Variants in EPS8L1 observed in about 807,000 individuals in gnomAD.
EPS8L1 encodes EPS8 signaling adaptor L1.
A neutral mutation model predicts 91.7 loss-of-function variants in EPS8L1; 101 were observed. That is an observed-to-expected ratio of 1.10 (90% confidence interval 0.94 to 1.30). The LOEUF is 1.30. Ranked by LOEUF, EPS8L1 falls within the 50% of genes most tolerant of loss-of-function variation. The pLI is 0.00. For synonymous variants in EPS8L1, 506 were observed against 445.3 expected, an observed-to-expected ratio of 1.14 and a Z score of -1.72; for missense variants, 1,114 against 1,017.0, an observed-to-expected ratio of 1.10 and a Z score of -1.30.
At position 55,086,710 on chromosome 19, in the gene EPS8L1, G is replaced by T. The variant is rs1358973351; in HGVS notation, c.1778-4G>T. 1 of 1,541,196 alleles carries T rather than the reference G, an allele frequency of 6.5e-7. No individual in the cohort carries two copies. Among genetic ancestry groups the T allele is most frequent in the South Asian group, 1.1e-5 (1 of 89,994 alleles). ...CTCCCTACCTCCCGGTTTCCCGCCT[G>T]CAGAGAAATTCTCCCAGATGCTCAT... On this transcript the variant is annotated splice_region_variant and splice_polypyrimidine_tract_variant and intron_variant, in intron 17 of 19. Transcript: ENST00000201647.
At position 55,080,222 on chromosome 19, in the gene EPS8L1, C is replaced by T; in HGVS notation, c.373C>T (p.Gln125Ter). 1 of 1,539,440 alleles carries T rather than the reference C, an allele frequency of 6.5e-7. No individual in the cohort carries two copies. The highest frequency in any genetic ancestry group is 1.4e-5 in the African/African-American group (1 of 73,016). ...CCGCTCGTTGCTGCTGCTCGTGTGCCAGGAACCCGAGCGCGCGCAGCCCGA... is the reference window on the plus strand; with the variant it reads ...CCGCTCGTTGCTGCTGCTCGTGTGCTAGGAACCCGAGCGCGCGCAGCCCGA... ...RSRSLLLLVC[Q>*]EPERAQPDVH... The change falls in exon 6 of 20, where the codon CAG becomes TAG. Residue 125 changes from glutamine to a stop codon, truncating the protein, a stop_gained. Transcript: ENST00000201647. LOFTEE classifies it high-confidence loss of function.
At position 55,082,126 on chromosome 19, in the gene EPS8L1, G is replaced by A. The variant is rs761688226; in HGVS notation, c.936G>A (p.Ser312=). The change falls in exon 10 of 20, where the codon TCG becomes TCA. Residue 312 remains serine (S), a synonymous_variant. Coordinates refer to ENST00000201647, the MANE Select transcript of EPS8L1 (RefSeq NM_133180.3). The stretch of plus-strand genomic sequence containing the variant: ...TGACGCTGCGGGCCAAGCCGCCCTC[G>A]GAGGCCGAGTACACCGACGTGCTGC... The part of the protein sequence containing the change: ...GLLTLRAKPP[S]EAEYTDVLQK... 23 of 1,602,742 alleles carry A rather than the reference G, an allele frequency of 1.4e-5. No homozygotes were observed. The Admixed American group carries it at 3.9e-4, about 27-fold the overall frequency.
At chr19:55,079,207 C>A in intron 4 of EPS8L1, 150 bp downstream of exon 4, 1 of 774,488 alleles carries the variant, frequency 1.3e-6, no homozygotes, top group Non-Finnish European at 2.2e-6. Flanking sequence ...GTTGCCTCAC[C>A]TCAGTCATGG....
intron 2 of EPS8L1, among the ~76,000 whole-genome samples, chr19:55,077,584 C>CTTT (rs35750835): frequency 0.02 from 1,536 of 76,798 alleles, 74 homozygotes; most frequent in African/African-American, 0.046. Context: ...CCTGACCTGT[C>CTTT]TTTTTTTTTT....
intron 6 of EPS8L1, 24 bp downstream of exon 6, chr19:55,080,302 G>T (rs2076226994): frequency 5.2e-6 from 8 of 1,537,124 alleles, no homozygotes; most frequent in Non-Finnish European, 7.0e-6. Flanking sequence ...CTGGCTCTGG[G>T]GGTGGAGCTG....
At position 55,081,775 on chromosome 19, in the gene EPS8L1, C is replaced by G; in HGVS notation, c.777C>G (p.Asp259Glu). 6.2e-7 allele frequency: 1 copy of G among 1,609,388 alleles called. No homozygotes were observed. Among genetic ancestry groups the G allele is most frequent in the Non-Finnish European group, 8.5e-7 (1 of 1,176,858 alleles). Reference sequence around the variant, plus strand: ...CGTCCCCCTCCTCTGTCCCCTAGGACATCCTGAACCACGTGTTCGACGACG... The same window carrying G: ...CGTCCCCCTCCTCTGTCCCCTAGGAGATCCTGAACCACGTGTTCGACGACG... ...LAVLQAEREV[D>E]ILNHVFDDVE... The change falls in exon 9 of 20, where the codon GAC becomes GAG. Residue 259 changes from aspartate to glutamate, a missense_variant and splice_region_variant. Transcript: ENST00000201647. The surrounding 1 kb of genome is among the most constrained non-coding windows in gnomAD (Gnocchi z 4.9).
rs952083715 is a variant in EPS8L1, at chr19:55,082,381, T to C, written c.1065+32T>C. On this transcript the variant is annotated intron_variant, in intron 11 of 19. Coordinates refer to ENST00000201647, the MANE Select transcript of EPS8L1 (RefSeq NM_133180.3). The stretch of plus-strand genomic sequence containing the variant: ...CCCGCCCCAGGCCCTCGGGCCCCCC[T>C]GCAGCGGGAGGAATCGGGTTCGACT... 3 of 1,612,532 alleles carry C rather than the reference T, an allele frequency of 1.9e-6. No individual in the cohort carries two copies. The Admixed American group carries it at 5.0e-5, about 27-fold the overall frequency.
At position 55,087,688 on chromosome 19, in the gene EPS8L1, G is replaced by A; in HGVS notation, c.*74G>A. 4.0e-6 allele frequency: 6 copies of A among 1,494,404 alleles called. No homozygotes were observed. Among genetic ancestry groups the A allele is most frequent in the Non-Finnish European group, 5.5e-6 (6 of 1,083,328 alleles). The allele number at this position is 1,494,404 out of a possible 1,614,324, so 92.6% of individuals were successfully genotyped here. The stretch of plus-strand genomic sequence containing the variant: ...GACTCCTCAGACTCTCCCCAATAGC[G>A]GAAGTCGATCTTCTGAAGGATGGCC... On this transcript the variant is annotated 3_prime_UTR_variant, in exon 20 of 20. Transcript: ENST00000201647.
intron 5 of EPS8L1, 28 bp from the exon 6 acceptor site, chr19:55,080,101 C>T: frequency 6.8e-7 from 1 of 1,471,224 alleles, no homozygotes; most frequent in South Asian, 1.4e-5. Context: ...TTCGGGGCCT[C>T]AGTTTACCCC....
In EPS8L1 at chr19:55,086,582, G is replaced by A. The variant is rs2076354781; in HGVS notation, c.1777+64G>A. The A allele has an allele frequency of 2.0e-6, 3 of 1,536,866 alleles. No homozygotes were observed. In the South Asian group the frequency reaches 3.6e-5, roughly 19 times the overall value. Reference sequence around the variant, plus strand: ...ATCCTTGCTTTCCAGGCAGAGAAACGGGGGCTCAGAAAGAGCAAAGGGACT... The same window carrying A: ...ATCCTTGCTTTCCAGGCAGAGAAACAGGGGCTCAGAAAGAGCAAAGGGACT... On this transcript the variant is annotated intron_variant, in intron 17 of 19. Transcript: ENST00000201647.
Position 55,078,145 on chromosome 19 carries a change from G to C in EPS8L1, c.58+17G>C, listed in dbSNP as rs1049727643. 6 of 1,612,780 alleles carry C rather than the reference G, an allele frequency of 3.7e-6. No homozygotes were observed. Among genetic ancestry groups the C allele is most frequent in the Non-Finnish European group, 5.1e-6 (6 of 1,179,392 alleles). On this transcript the variant is annotated intron_variant, in intron 3 of 19. Coordinates refer to ENST00000201647, the MANE Select transcript of EPS8L1 (RefSeq NM_133180.3). ...CTATCTATGGTGAGCGGGGGGCAAG[G>C]GAGCCCCAGGCCCATAGAACTGGGT...
At position 55,076,399 on chromosome 19, in the gene EPS8L1, G is replaced by A; in HGVS notation, c.-37-9G>A. ...CTGGCCAGGCCTTCACATGTTTGCT[G>A]GCTCCCAGGGCACCTCCAGGTGGGC... On this transcript the variant is annotated splice_polypyrimidine_tract_variant and intron_variant, in intron 1 of 19. Coordinates refer to ENST00000201647, the MANE Select transcript of EPS8L1 (RefSeq NM_133180.3). 2 of 1,608,464 alleles carry A rather than the reference G, an allele frequency of 1.2e-6. No homozygotes were observed. Among genetic ancestry groups the A allele is most frequent in the Non-Finnish European group, 1.7e-6 (2 of 1,177,270 alleles).
chr19:55,080,605 A>G (rs1334281337), intron 6 of EPS8L1, 167 bp from the exon 7 acceptor site: 3 of 1,590,468 alleles, frequency 1.9e-6, no homozygotes, highest in Non-Finnish European at 2.6e-6. Flanking sequence ...GGGCAGGGAC[A>G]GGTGTAGGGC....
At position 55,083,595 on chromosome 19, in the gene EPS8L1, C is replaced by T. The variant is rs953753030; in HGVS notation, c.1357-21C>T. ...CCGGTCCGCCTGGCCCCGCCTGACC[C>T]GACTGTCTTACTTCCTACAGCAAAG... is the stretch of plus-strand genomic sequence containing the variant. On this transcript the variant is annotated intron_variant, in intron 13 of 19. Transcript: ENST00000201647. This position sits in a 1 kb window ranked among gnomAD's most constrained non-coding sequence, Gnocchi z 4.7. The T allele has an allele frequency of 6.3e-7, 1 of 1,596,520 alleles. No homozygotes were observed. Among genetic ancestry groups the T allele is most frequent in the South Asian group, 1.1e-5 (1 of 89,060 alleles).
chr19:55,086,653 C>G, intron 17 of EPS8L1, 61 bp from the exon 18 acceptor site: 7 of 1,445,386 alleles, frequency 4.8e-6, no homozygotes, highest in Non-Finnish European at 6.6e-6. Flanking sequence ...GCCCCGCCCT[C>G]TGGCCCCAGG....
intron 12 of EPS8L1, among the ~76,000 whole-genome samples, chr19:55,082,879 C>A (rs2076300666): frequency 1.1e-5 from 1 of 94,508 alleles, no homozygotes; most frequent in African/African-American, 4.2e-5. Flanking sequence ...GGCTACGGGG[C>A]AGGGGCGGGG....
chr19:55,080,741 G>C, intron 6 of EPS8L1, 31 bp from the exon 7 acceptor site: 1 of 1,603,660 alleles, frequency 6.2e-7, no homozygotes, highest in Non-Finnish European at 8.5e-7. Context: ...GTGCGGCGTG[G>C]GGAGGCGTGG....
In EPS8L1 at chr19:55,078,151, CCAGGCCCATAGAACTGGGTCTAAAGAAA is replaced by C. The variant is rs758925768; in HGVS notation, c.58+28_58+55del. On this transcript the variant is annotated intron_variant, in intron 3 of 19. Transcript: ENST00000201647. ...ATGGTGAGCGGGGGGCAAGGGAGCC[CCAGGCCCATAGAACTGGGTCTAAAGAAA>C]CAGGACCTGGCATCCAGGGTCTTGG... 9.3e-6 allele frequency: 15 copies of C among 1,612,348 alleles called. No individual in the cohort carries two copies. The East Asian group carries it at 3.4e-4, about 36-fold the overall frequency.
chr19:55,085,219 G>A (rs2076342164), intron 14 of EPS8L1, among the ~76,000 whole-genome samples: 2 of 152,238 alleles, frequency 1.3e-5, no homozygotes, highest in African/African-American at 2.4e-5. Flanking sequence ...AGGCTGGAGT[G>A]CAGTGGTGAG....
Sources: gnomAD v4.1 joint callset for allele counts (sites outside exome capture counted in the v4.1 genomes callset) on GRCh38, gnomAD v4.1.1 for gene constraint, Gnocchi (gnomAD v3.1) non-coding constraint, MANE v1.5 for transcripts, NCBI Gene and HGNC (gene_info 2026-07-23, HGNC 2026-07-21) for gene names.